Variants in ADCY2 observed in about 807,000 individuals in gnomAD.
ADCY2 encodes adenylate cyclase type 2.
In ADCY2, 31 loss-of-function variants were observed where a neutral mutation model predicts 125.2. That is an observed-to-expected ratio of 0.25 (90% CI 0.19 to 0.33). The LOEUF (loss-of-function observed/expected upper bound fraction) is 0.33, where lower values mean the gene tolerates loss of function less well. Ranked by LOEUF, ADCY2 falls within the 10% of genes least tolerant of loss-of-function variation. ADCY2 has a pLI of 1.00. For missense variants in ADCY2, 904 were observed against 1,418.2 expected (o/e 0.64, Z 5.82); for synonymous variants, 512 against 548.4 (o/e 0.93, Z 0.93).
At chr5:7,697,172 G>A (rs1740921605) in intron 6 of ADCY2, among the ~76,000 whole-genome samples, 2 of 151,956 alleles carry the variant, frequency 1.3e-5, no homozygotes, top group South Asian at 2.1e-4. Flanking sequence ...ATCTGCAGGA[G>A]CGCTATTGCC....
chr5:7,509,279 G>A (rs562777643), intron 2 of ADCY2, among the ~76,000 whole-genome samples: 75 of 152,304 alleles, frequency 4.9e-4, no homozygotes, highest in African/African-American at 1.5e-3. Context: ...GACACATATG[G>A]TATATGGATA....
intron 7 of ADCY2, among the ~76,000 whole-genome samples, chr5:7,699,347 T>G (rs1342648402): frequency 6.6e-6 from 1 of 151,788 alleles, no homozygotes; most frequent in Non-Finnish European, 1.5e-5. Context: ...TCCGCCCGCC[T>G]CGGCCTCCCA....
At chr5:7,788,547 A>G (rs764518330) in intron 19 of ADCY2, among the ~76,000 whole-genome samples, 11 of 152,258 alleles carry the variant, frequency 7.2e-5, no homozygotes, top group Non-Finnish European at 1.5e-4. Flanking sequence ...TATGAGATAA[A>G]CATAAATGCC....
chr5:7,666,077 A>T (rs1579294382), intron 4 of ADCY2, among the ~76,000 whole-genome samples: 2 of 151,278 alleles, frequency 1.3e-5, no homozygotes, highest in African/African-American at 4.9e-5. Context: ...TGACCTCGTG[A>T]TCCGCCCGCC....
intron 14 of ADCY2, among the ~76,000 whole-genome samples, chr5:7,737,880 A>G (rs1742294478): frequency 6.6e-6 from 1 of 152,214 alleles, no homozygotes; most frequent in Non-Finnish European, 1.5e-5. Flanking sequence ...AGCAAAAGAC[A>G]CTTGAACATC....
chr5:7,469,974 A>C (rs1214948614), intron 2 of ADCY2, among the ~76,000 whole-genome samples: 1 of 151,766 alleles, frequency 6.6e-6, no homozygotes, highest in African/African-American at 2.4e-5. Flanking sequence ...CAAAATTTAC[A>C]TGAGGAAATT....
chr5:7,596,414 G>A (rs1307619133), intron 3 of ADCY2, among the ~76,000 whole-genome samples: 1 of 152,162 alleles, frequency 6.6e-6, no homozygotes, highest in Non-Finnish European at 1.5e-5. Flanking sequence ...AATTACTTGA[G>A]TGATTAGTTT....
At chr5:7,401,805 G>A (rs969133884) in intron 1 of ADCY2, among the ~76,000 whole-genome samples, 1 of 152,146 alleles carries the variant, frequency 6.6e-6, no homozygotes, top group Non-Finnish European at 1.5e-5. Flanking sequence ...TTAGAGCTGC[G>A]ATATTCCTGT....
intron 5 of ADCY2, among the ~76,000 whole-genome samples, chr5:7,692,853 G>A (rs532757043): frequency 1.1e-4 from 16 of 152,008 alleles, no homozygotes; most frequent in South Asian, 4.2e-4. Flanking sequence ...ACCTCCTCTC[G>A]GTTTCTCTCC....
At chr5:7,554,546 T>C (rs1189041127) in intron 3 of ADCY2, among the ~76,000 whole-genome samples, 2 of 152,184 alleles carry the variant, frequency 1.3e-5, no homozygotes, top group Admixed American at 6.5e-5. Context: ...AAAAAATATA[T>C]GTACTAAGCT....
At chr5:7,559,784 A>T (rs1256345344) in intron 3 of ADCY2, among the ~76,000 whole-genome samples, 1 of 152,120 alleles carries the variant, frequency 6.6e-6, no homozygotes, top group Non-Finnish European at 1.5e-5. Context: ...TGGCTTTCTC[A>T]CATATGAAGA....
intron 18 of ADCY2, among the ~76,000 whole-genome samples, chr5:7,776,047 A>G (rs1056270627): frequency 6.6e-6 from 1 of 152,144 alleles, no homozygotes; most frequent in Non-Finnish European, 1.5e-5. Flanking sequence ...CTCATGCCAG[A>G]GGTAAAACCA....
chr5:7,805,053 C>T (rs1318923577), intron 22 of ADCY2, among the ~76,000 whole-genome samples: 7 of 152,092 alleles, frequency 4.6e-5, no homozygotes, highest in South Asian at 2.1e-4. Context: ...CGGTGGCTCA[C>T]GTCTGTAATC....
chr5:7,458,038 C>T (rs1358375329), intron 2 of ADCY2, among the ~76,000 whole-genome samples: 1 of 152,134 alleles, frequency 6.6e-6, no homozygotes, highest in Non-Finnish European at 1.5e-5. Flanking sequence ...TAAATGATGA[C>T]CTGCACACTT....
chr5:7,674,930 C>A (rs571857311), intron 4 of ADCY2, among the ~76,000 whole-genome samples: 1 of 151,912 alleles, frequency 6.6e-6, no homozygotes, highest in Non-Finnish European at 1.5e-5. Context: ...CCGAGGCGGG[C>A]GGATCACGAG....
At chr5:7,804,772 A>T (rs1311834959) in intron 22 of ADCY2, 80 bp downstream of exon 22, 1 of 980,522 alleles carries the variant, frequency 1.0e-6, no homozygotes, top group African/African-American at 1.6e-5. Flanking sequence ...AACAGCCATG[A>T]AATGCCCCAA....
intron 4 of ADCY2, among the ~76,000 whole-genome samples, chr5:7,633,429 C>T (rs1272601550): frequency 1.3e-5 from 2 of 148,328 alleles, no homozygotes; most frequent in Non-Finnish European, 3.0e-5. Flanking sequence ...GAGCAAGACT[C>T]CATCTCAAAA....
At chr5:7,519,462 G>A (rs539545434) in intron 2 of ADCY2, among the ~76,000 whole-genome samples, 30 of 152,212 alleles carry the variant, frequency 2.0e-4, no homozygotes, top group Admixed American at 4.6e-4. Flanking sequence ...GTCAAGAGCC[G>A]CATGGGAAGC....
intron 3 of ADCY2, among the ~76,000 whole-genome samples, chr5:7,615,576 TTTAA>T (rs1463622462): frequency 6.6e-6 from 1 of 152,230 alleles, no homozygotes; most frequent in Non-Finnish European, 1.5e-5. Flanking sequence ...AACTATTTTA[TTTAA>T]TTAATTTGTA....
Sources: allele counts gnomAD v4.1 joint callset (sites outside exome capture counted in the v4.1 genomes callset), GRCh38; gene constraint gnomAD v4.1.1; transcripts MANE v1.5; gene names NCBI Gene and HGNC (gene_info 2026-07-23, HGNC 2026-07-21).